SVOP: variants seen among roughly 807,000 people sequenced by gnomAD.
The protein encoded by SVOP is SV2 related protein.
In SVOP, 17 loss-of-function variants were observed where a neutral mutation model predicts 69.1. The observed-to-expected ratio is 0.25, with a 90% CI of 0.17 to 0.37. The LOEUF (loss-of-function observed/expected upper bound fraction) is 0.37, where lower values mean the gene tolerates loss of function less well. SVOP is among the 10% of genes least tolerant of loss of function. The pLI is 1.00. For missense variants in SVOP, 435 were observed against 597.5 expected (o/e 0.73, Z 2.84); for synonymous variants, 238 against 238.6 (o/e 1.00, Z 0.02).
chr12:108,926,060 A>G (rs112436949), intron 11 of SVOP, among the ~76,000 whole-genome samples: 4,583 of 152,058 alleles, frequency 0.03, 228 homozygotes, highest in African/African-American at 0.1. Flanking sequence ...CTGGGACCAC[A>G]GGCACACACC....
At chr12:109,004,939 T>C (rs1261077243) in intron 1 of SVOP, among the ~76,000 whole-genome samples, 1 of 152,086 alleles carries the variant, frequency 6.6e-6, no homozygotes, top group African/African-American at 2.4e-5. Flanking sequence ...GGTTTCACCA[T>C]GTTGGCCAGG....
At chr12:108,925,555 T>C (rs1257500692) in intron 11 of SVOP, among the ~76,000 whole-genome samples, 1 of 152,182 alleles carries the variant, frequency 6.6e-6, no homozygotes, top group Non-Finnish European at 1.5e-5. Context: ...TGCCTAAAAC[T>C]CTGCAATGAC....
intron 11 of SVOP, among the ~76,000 whole-genome samples, chr12:108,929,566 C>T (rs1200871646): frequency 6.6e-6 from 1 of 152,156 alleles, no homozygotes; most frequent in Non-Finnish European, 1.5e-5. Flanking sequence ...ACTTTTGCCT[C>T]CCAAGGTGCT....
intron 6 of SVOP, among the ~76,000 whole-genome samples, chr12:108,960,678 G>A (rs925064064): frequency 3.9e-5 from 6 of 152,148 alleles, no homozygotes; most frequent in African/African-American, 1.4e-4. Flanking sequence ...AATGCTAGAT[G>A]CATTATCATT....
chr12:108,935,634 C>G (rs2039851984), intron 10 of SVOP, among the ~76,000 whole-genome samples: 1 of 152,152 alleles, frequency 6.6e-6, no homozygotes. Flanking sequence ...GGACACTTCC[C>G]TGTTAATTAG....
intron 11 of SVOP, among the ~76,000 whole-genome samples, chr12:108,930,442 T>C (rs374720774): frequency 0.016 from 2,410 of 151,120 alleles, 38 homozygotes; most frequent in Middle Eastern, 0.082. Flanking sequence ...TTGCTTTTTT[T>C]TTTTTTTTTT....
At chr12:108,922,582 A>G in intron 12 of SVOP, 108 bp downstream of exon 12, 1 of 773,094 alleles carries the variant, frequency 1.3e-6, no homozygotes, top group Non-Finnish European at 2.2e-6. Context: ...TCCCTCGCTG[A>G]CTAAAAATGG....
chr12:109,013,391 C>A (rs1049716911), intron 1 of SVOP, among the ~76,000 whole-genome samples: 9 of 150,286 alleles, frequency 6.0e-5, no homozygotes, highest in Non-Finnish European at 1.2e-4. Flanking sequence ...ACCGTCTTAA[C>A]CTTTTTTTTT....
intron 14 of SVOP, 120 bp from the exon 15 acceptor site, chr12:108,915,992 G>T: frequency 1.1e-6 from 1 of 895,504 alleles, no homozygotes; most frequent in Non-Finnish European, 1.6e-6. Context: ...TCCCTCCAGT[G>T]CTGGTGACGC....
At position 108,947,242 on chromosome 12, in the gene SVOP, G is replaced by A. The variant is rs142753492; in HGVS notation, c.579-2076C>T. Reference sequence around the variant, plus strand: ...CCCTGGTTCCCTTTGGCAGAAGATGGTATTTAGAAACCAAGATCTCTGTGC... The same window carrying A: ...CCCTGGTTCCCTTTGGCAGAAGATGATATTTAGAAACCAAGATCTCTGTGC... On this transcript the variant is annotated intron_variant, in intron 6 of 15. Transcript: ENST00000610966. Among the ~76,000 whole-genome samples the A allele has an allele frequency of 4.1e-3, 620 of 152,132 alleles. 5 individuals are homozygous for A. Among genetic ancestry groups the A allele is most frequent in the African/African-American group, 0.014 (578 of 41,492 alleles).
At chr12:108,941,813 C>G (rs976293760) in intron 7 of SVOP, among the ~76,000 whole-genome samples, 3 of 151,670 alleles carry the variant, frequency 2.0e-5, no homozygotes, top group Non-Finnish European at 4.4e-5. Flanking sequence ...AGGCGCCCCC[C>G]TCAACCACAC....
At chr12:108,965,223 G>A (rs1031217901) in intron 5 of SVOP, among the ~76,000 whole-genome samples, 1 of 152,188 alleles carries the variant, frequency 6.6e-6, no homozygotes, top group Non-Finnish European at 1.5e-5. Flanking sequence ...AACAAAGGTT[G>A]TTATTTTCAT....
intron 1 of SVOP, among the ~76,000 whole-genome samples, chr12:108,999,952 T>C (rs1461315183): frequency 6.6e-6 from 1 of 150,648 alleles, no homozygotes; most frequent in African/African-American, 2.4e-5. Flanking sequence ...AGGCAAGAAA[T>C]AACTAAAATC....
At chr12:109,020,572 T>C (rs988203664) in intron 1 of SVOP, among the ~76,000 whole-genome samples, 4 of 152,060 alleles carry the variant, frequency 2.6e-5, no homozygotes, top group African/African-American at 9.7e-5. Flanking sequence ...TTGAGAGCAA[T>C]TAAAAGGGGA....
At chr12:108,982,818 CCAT>C (rs1457103379) in intron 2 of SVOP, among the ~76,000 whole-genome samples, 6 of 122,656 alleles carry the variant, frequency 4.9e-5, no homozygotes, top group Admixed American at 8.0e-5. Flanking sequence ...ATCATCATCA[CCAT>C]CATCATCACT....
At chr12:108,945,628 C>T (rs371566641) in intron 6 of SVOP, among the ~76,000 whole-genome samples, 4 of 152,040 alleles carry the variant, frequency 2.6e-5, no homozygotes, top group African/African-American at 9.7e-5. Flanking sequence ...CTCAAGCGAT[C>T]CTCCCACCTC....
At chr12:108,920,190 A>G (rs761219319) in intron 12 of SVOP, among the ~76,000 whole-genome samples, 14 of 152,228 alleles carry the variant, frequency 9.2e-5, no homozygotes, top group Non-Finnish European at 1.8e-4. Context: ...AGATGAGACT[A>G]CAGACCCTGG....
intron 11 of SVOP, among the ~76,000 whole-genome samples, chr12:108,928,219 C>G (rs373741073): frequency 5.3e-4 from 81 of 152,238 alleles, no homozygotes; most frequent in African/African-American, 1.8e-3. Context: ...CCACACCCCC[C>G]TGACCCCCAC....
intron 1 of SVOP, among the ~76,000 whole-genome samples, chr12:108,988,216 C>T (rs542748676): frequency 3.3e-5 from 5 of 152,238 alleles, no homozygotes; most frequent in Admixed American, 3.3e-4. Flanking sequence ...TGAGCCACCA[C>T]GCCAGGCCAA....
Sources: gnomAD v4.1 joint callset for allele counts (sites outside exome capture counted in the v4.1 genomes callset) on GRCh38, gnomAD v4.1.1 for gene constraint, MANE v1.5 for transcripts, NCBI Gene and HGNC (gene_info 2026-07-23, HGNC 2026-07-21) for gene names.